Variants in HK1 observed in about 807,000 individuals in gnomAD.
HK1 encodes the protein hexokinase 1, also known as hexokinase-1.
Under a neutral mutation model 91.6 loss-of-function variants are expected in HK1, and 28 were observed. The ratio of observed to expected loss-of-function variants is 0.31; its 90% CI spans 0.23 to 0.42. The LOEUF is 0.42. HK1 is among the 10% of genes least tolerant of loss of function. The pLI, the probability that HK1 is intolerant of heterozygous loss-of-function variation, is 1.00. For missense variants in HK1, 770 were observed against 1,219.8 expected, an observed-to-expected ratio of 0.63 and a Z score of 5.49; for synonymous variants, 430 against 468.1, an observed-to-expected ratio of 0.92 and a Z score of 1.05.
intron 12 of HK1, 148 bp downstream of exon 12, chr10:69,385,063 C>A: frequency 2.3e-6 from 2 of 857,312 alleles, no homozygotes; most frequent in Non-Finnish European, 3.9e-6. Context: ...CTTTATTTCA[C>A]AGCCTGCAGG....
intron 9 of HK1, among the ~76,000 whole-genome samples, chr10:69,382,228 A>C (rs1314259127): frequency 6.6e-6 from 1 of 152,164 alleles, no homozygotes; most frequent in Non-Finnish European, 1.5e-5. Context: ...GTCTCTACTA[A>C]AAATACAAAA....
intron 2 of HK1, among the ~76,000 whole-genome samples, chr10:69,356,237 A>T (rs557490878): frequency 5.3e-5 from 8 of 152,096 alleles, no homozygotes; most frequent in Admixed American, 1.3e-4. Flanking sequence ...GGCATTTGAG[A>T]CAGCCTGGGC....
At chr10:69,392,049 C>T in intron 14 of HK1, 76 bp from the exon 15 acceptor site, 1 of 1,481,652 alleles carries the variant, frequency 6.7e-7, no homozygotes, top group African/African-American at 1.4e-5. Flanking sequence ...GAACCTCAGG[C>T]CCCAGACCCC....
chr10:69,282,212 C>A (rs995752053), intron 1 of HK1, among the ~76,000 whole-genome samples: 1 of 152,190 alleles, frequency 6.6e-6, no homozygotes, highest in Non-Finnish European at 1.5e-5. Flanking sequence ...GTCCTTAGCA[C>A]AATCCCTGGC....
At chr10:69,366,336 C>T (rs938420749) in intron 4 of HK1, among the ~76,000 whole-genome samples, 9 of 152,162 alleles carry the variant, frequency 5.9e-5, no homozygotes, top group Non-Finnish European at 1.3e-4. Flanking sequence ...GGGCTCAGGG[C>T]ACCTTCCACA....
Position 69,398,759 on chromosome 10 carries a change from A to C in HK1, c.2540A>C (p.Glu847Ala). Residue 847 changes from glutamate (E) to alanine (A), a missense_variant, in exon 17 of 18, where the codon GAG becomes GCG. Physicochemically the swap from Glu to Ala is moderately radical, Grantham distance 107. Transcript: ENST00000359426. The part of the protein sequence containing the change: ...GMAAVVDKIR[E>A]NRGLDRLNVT... The stretch of plus-strand genomic sequence containing the variant: ...GCTGCGGTTGTGGATAAGATCCGCG[A>C]GAACAGAGGACTGGACCGTCTGAAT... 1.9e-6 allele frequency: 3 copies of C among 1,614,248 alleles called. No individual in the cohort carries two copies. The highest frequency in any genetic ancestry group is 2.5e-6 in the Non-Finnish European group (3 of 1,180,050).
chr10:69,396,842 C>T (rs1242187778), intron 16 of HK1, among the ~76,000 whole-genome samples: 1 of 151,994 alleles, frequency 6.6e-6, no homozygotes, highest in Non-Finnish European at 1.5e-5. Flanking sequence ...TCACCATGCA[C>T]GCCCGGCTAA....
intron 17 of HK1, 51 bp downstream of exon 17, chr10:69,398,879 G>T (rs1212149947): frequency 7.1e-7 from 1 of 1,411,112 alleles, no homozygotes; most frequent in Non-Finnish European, 1.0e-6. Flanking sequence ...GATCCCTTTG[G>T]GTTAGGGGGT....
At chr10:69,320,485 G>C (rs1759092657) in intron 1 of HK1, among the ~76,000 whole-genome samples, 1 of 152,156 alleles carries the variant, frequency 6.6e-6, no homozygotes, top group South Asian at 2.1e-4. Context: ...TCTGGCCACT[G>C]ACCTGGGAGC....
chr10:69,384,376 C>T lies in HK1; in HGVS notation c.1614C>T (p.Phe538=). ...CCCTGGATCTTGGAGGAACCAATTTCCGTGTGCTGCTGGTGAAAATCCGTA... is the reference window on the plus strand; with the variant it reads ...CCCTGGATCTTGGAGGAACCAATTTTCGTGTGCTGCTGGTGAAAATCCGTA... ...FLALDLGGTN[F]RVLLVKIRSG... The change falls in exon 11 of 18, where the codon TTC becomes TTT. Residue 538 remains phenylalanine (F), a synonymous_variant. Transcript: ENST00000359426. 1 of 1,614,244 alleles carries T rather than the reference C, an allele frequency of 6.2e-7. No individual in the cohort carries two copies. Among genetic ancestry groups the T allele is most frequent in the South Asian group, 1.1e-5 (1 of 91,086 alleles).
At chr10:69,388,275 A>G (rs369862886) in intron 13 of HK1, among the ~76,000 whole-genome samples, 295 of 152,244 alleles carry the variant, frequency 1.9e-3, no homozygotes, top group African/African-American at 6.5e-3. Context: ...CCCCGTCTCT[A>G]TAAGAAATTA....
At chr10:69,319,217 A>T in intron 1 of HK1, 1 of 654,878 alleles carries the variant, frequency 1.5e-6, no homozygotes, top group Non-Finnish European at 2.6e-6. Context: ...GGAGGGGGGC[A>T]ATCGGGCGGA....
intron 9 of HK1, among the ~76,000 whole-genome samples, chr10:69,381,548 T>C (rs1170544079): frequency 1.4e-5 from 2 of 138,768 alleles, no homozygotes; most frequent in East Asian, 2.3e-4. Context: ...ATCTTAACCT[T>C]TTTTTTTTTT....
intron 17 of HK1, among the ~76,000 whole-genome samples, chr10:69,400,150 A>G (rs1332220483): frequency 1.3e-5 from 2 of 152,210 alleles, no homozygotes; most frequent in African/African-American, 2.4e-5. Flanking sequence ...CACTGGCAGG[A>G]CTAGAAATTA....
At chr10:69,366,104 T>G (rs1010327648) in intron 4 of HK1, among the ~76,000 whole-genome samples, 1 of 152,132 alleles carries the variant, frequency 6.6e-6, no homozygotes, top group African/African-American at 2.4e-5. Flanking sequence ...GTGCTGGGAT[T>G]ACAGACGTGA....
At chr10:69,335,013 C>T (rs1344740351) in intron 1 of HK1, among the ~76,000 whole-genome samples, 1 of 152,116 alleles carries the variant, frequency 6.6e-6, no homozygotes. Context: ...GAGGAAGGAC[C>T]TTTGAGGTGA....
At chr10:69,399,656 C>G (rs896739955) in intron 17 of HK1, among the ~76,000 whole-genome samples, 1 of 152,178 alleles carries the variant, frequency 6.6e-6, no homozygotes, top group African/African-American at 2.4e-5. Flanking sequence ...GGTCAGGCAT[C>G]TGACCCCCCA....
rs922282020 is a variant in HK1, at chr10:69,374,868, C to T, written c.876-2066C>T. Among the ~76,000 whole-genome samples the T allele has an allele frequency of 1.9e-4, 29 of 152,236 alleles. 1 individual carries two copies. Among genetic ancestry groups the T allele is most frequent in the Admixed American group, 1.9e-3 (29 of 15,286 alleles). On this transcript the variant is annotated intron_variant, in intron 7 of 17. Coordinates refer to ENST00000359426, the MANE Select transcript of HK1 (RefSeq NM_000188.3). ...GGGGAATGCCCTTTCTCTTGTCACA[C>T]TGCCCAACAGGGAAGGCTGCCTAGG...
intron 3 of HK1, among the ~76,000 whole-genome samples, chr10:69,360,634 G>A (rs1464923553): frequency 6.6e-6 from 1 of 152,162 alleles, no homozygotes; most frequent in African/African-American, 2.4e-5. Context: ...GGCTCCCCAC[G>A]CTGGGCCCCC....
Sources: allele counts gnomAD v4.1 joint callset (sites outside exome capture counted in the v4.1 genomes callset), GRCh38; gene constraint gnomAD v4.1.1; transcripts MANE v1.5; gene names NCBI Gene and HGNC (gene_info 2026-07-23, HGNC 2026-07-21).